The following RAB38 variants were observed in gnomAD, a reference collection of about 807,000 sequenced individuals.
RAB38 encodes the protein ras-related protein Rab-38.
Under a neutral mutation model 18.4 loss-of-function variants are expected in RAB38, and 15 were observed. The observed-to-expected ratio is 0.82, with a 90% confidence interval of 0.55 to 1.26. The LOEUF (loss-of-function observed/expected upper bound fraction) is 1.26, where lower values mean the gene tolerates loss of function less well. Among genes scored for constraint, RAB38 ranks in the 50% most tolerant of loss-of-function variants. The pLI is 0.00. For missense variants in RAB38, 294 were observed against 267.4 expected (o/e 1.10, Z -0.69); for synonymous variants, 101 against 104.4 (o/e 0.97, Z 0.20).
At chr11:87,928,649 A>C in the RAB38 span, among the ~76,000 whole-genome samples, 1 of 152,226 alleles carries the variant, frequency 6.6e-6, no homozygotes, top group East Asian at 1.9e-4. Context: ...AGTTAATAGA[A>C]ACATAAAAAT....
intron 2 of RAB38, among the ~76,000 whole-genome samples, chr11:88,144,267 A>G (rs72960960): frequency 0.01 from 1,592 of 152,322 alleles, 17 homozygotes; most frequent in Non-Finnish European, 0.014. Context: ...GCTGTGACAA[A>G]TTAAGTCAGT....
intron 2 of RAB38, among the ~76,000 whole-genome samples, chr11:88,122,081 T>C (rs1466882832): frequency 6.6e-6 from 1 of 152,212 alleles, no homozygotes; most frequent in African/African-American, 2.4e-5. Context: ...GTTAAGTTCC[T>C]GGCCCCTGAA....
At chr11:87,810,723 C>T in the RAB38 span, among the ~76,000 whole-genome samples, 96,526 of 151,690 alleles carry the variant, frequency 0.64, 32,735 homozygotes, top group East Asian at 0.87. Flanking sequence ...ATAGAGTCTA[C>T]TCATAAATCT....
chr11:87,930,409 GTTGT>G, the RAB38 span, among the ~76,000 whole-genome samples: 18 of 151,278 alleles, frequency 1.2e-4, no homozygotes, highest in Non-Finnish European at 1.9e-4. Context: ...GGTTGATGGG[GTTGT>G]TTGTTTTTTT....
At chr11:87,913,581 T>G in the RAB38 span, among the ~76,000 whole-genome samples, 6 of 152,102 alleles carry the variant, frequency 3.9e-5, no homozygotes, top group East Asian at 1.2e-3. Context: ...AAAGTCACAT[T>G]GAAATTTGAT....
the RAB38 span, among the ~76,000 whole-genome samples, chr11:87,843,969 T>C: frequency 1.3e-5 from 2 of 152,220 alleles, no homozygotes; most frequent in Non-Finnish European, 2.9e-5. Context: ...TATCATGTTT[T>C]CAATTCATGT....
At chr11:88,076,545 G>A in the RAB38 span, among the ~76,000 whole-genome samples, 3 of 152,086 alleles carry the variant, frequency 2.0e-5, no homozygotes, top group African/African-American at 4.8e-5. Context: ...TCAGAAAACC[G>A]ATAGAACTGA....
At chr11:87,910,430 C>T in the RAB38 span, among the ~76,000 whole-genome samples, 2 of 151,788 alleles carry the variant, frequency 1.3e-5, no homozygotes, top group East Asian at 1.9e-4. Context: ...CTTTTAGCAG[C>T]GACTTTTGAA....
the RAB38 span, among the ~76,000 whole-genome samples, chr11:87,977,524 T>G: frequency 2.5e-4 from 28 of 109,966 alleles, no homozygotes; most frequent in Non-Finnish European, 4.3e-4. Flanking sequence ...ATTATATAGA[T>G]AATATAATTA....
intron 1 of RAB38, among the ~76,000 whole-genome samples, chr11:88,165,032 T>C (rs192312655): frequency 8.5e-5 from 13 of 152,214 alleles, no homozygotes; most frequent in African/African-American, 2.9e-4. Context: ...AACCATATGG[T>C]GTCAGCAATG....
chr11:87,926,755 C>A, the RAB38 span, among the ~76,000 whole-genome samples: 1 of 151,942 alleles, frequency 6.6e-6, no homozygotes, highest in East Asian at 1.9e-4. Flanking sequence ...AGGACCTGAC[C>A]GGCTAATCTG....
chr11:88,050,515 C>T, the RAB38 span, among the ~76,000 whole-genome samples: 1 of 152,132 alleles, frequency 6.6e-6, no homozygotes, highest in African/African-American at 2.4e-5. Flanking sequence ...GCACTTTCCA[C>T]TGGAAGGTGA....
At chr11:87,894,888 A>G in the RAB38 span, among the ~76,000 whole-genome samples, 2,196 of 151,646 alleles carry the variant, frequency 0.014, 54 homozygotes, top group African/African-American at 0.051. Flanking sequence ...AACTACAGAT[A>G]TATTGAATTT....
chr11:87,832,946 A>G, the RAB38 span, among the ~76,000 whole-genome samples: 2 of 152,184 alleles, frequency 1.3e-5, no homozygotes, highest in African/African-American at 4.8e-5. Context: ...CTTCCAAAAC[A>G]TATCACAATT....
the RAB38 span, among the ~76,000 whole-genome samples, chr11:87,896,604 A>C: frequency 1.3e-5 from 2 of 151,652 alleles, no homozygotes; most frequent in Non-Finnish European, 1.5e-5. Flanking sequence ...GAACAGAAAA[A>C]AGAAAAATAA....
At chr11:88,153,610 A>G (rs1187011618) in intron 1 of RAB38, among the ~76,000 whole-genome samples, 1 of 152,154 alleles carries the variant, frequency 6.6e-6, no homozygotes, top group Admixed American at 6.5e-5. Context: ...AAATATAAAC[A>G]TAAATGTAAG....
chr11:88,039,472 T>A, the RAB38 span, among the ~76,000 whole-genome samples: 1 of 152,156 alleles, frequency 6.6e-6, no homozygotes. Flanking sequence ...ATACCCTGGA[T>A]AAGCAGAACT....
the RAB38 span, among the ~76,000 whole-genome samples, chr11:88,009,474 G>A: frequency 1.3e-5 from 2 of 152,142 alleles, no homozygotes; most frequent in African/African-American, 4.8e-5. Flanking sequence ...AAGTTTCAGG[G>A]TAAATCTTCC....
chr11:88,172,032 C>T, intron 1 of RAB38, among the ~76,000 whole-genome samples: 1 of 152,220 alleles, frequency 6.6e-6, no homozygotes, highest in Non-Finnish European at 1.5e-5. Flanking sequence ...TGAAACAACA[C>T]CTTTAAAAAG....
Sources: gnomAD v4.1 joint callset for allele counts (sites outside exome capture counted in the v4.1 genomes callset) on GRCh38, gnomAD v4.1.1 for gene constraint, MANE v1.5 for transcripts, NCBI Gene and HGNC (gene_info 2026-07-23, HGNC 2026-07-21) for gene names.